Variants in TRIM26 observed in about 807,000 individuals in gnomAD.
The protein encoded by TRIM26 is tripartite motif-containing protein 26.
A neutral mutation model predicts 45.5 loss-of-function variants in TRIM26; 16 were observed. The observed-to-expected ratio is 0.35, with a 90% CI of 0.24 to 0.53. The LOEUF is 0.53. Ranked by LOEUF, TRIM26 falls within the 20% of genes least tolerant of loss-of-function variation. TRIM26 has a pLI of 0.92. For synonymous variants in TRIM26, 273 were observed against 290.4 expected, an observed-to-expected ratio of 0.94 and a Z score of 0.61; for missense variants, 442 against 691.1, an observed-to-expected ratio of 0.64 and a Z score of 4.04.
rs376445200 is a variant in TRIM26 at position 30,192,229 on chromosome 6, C to T, written c.766-2194G>A. ...CAGGCAGAGCCGAGCAGTGGGGCTG[C>T]GGCAATGAGTCATGGCAAGCTCCCG... On this transcript the variant is annotated intron_variant, in intron 6 of 9. Transcript: ENST00000454678. Among the ~76,000 whole-genome samples, 62 of 152,276 alleles carry T rather than the reference C, an allele frequency of 4.1e-4. 1 individual carries two copies. The highest frequency in any genetic ancestry group is 1.5e-3 in the African/African-American group (61 of 41,560).
chr6:30,205,283 ATTCTATAG>A (rs1777615816), intron 1 of TRIM26, among the ~76,000 whole-genome samples: 2 of 152,090 alleles, frequency 1.3e-5, no homozygotes, highest in South Asian at 4.1e-4. Context: ...GCTAGCTGCA[ATTCTATAG>A]AACCAGGAAG....
At chr6:30,191,637 T>G (rs925586621) in intron 6 of TRIM26, among the ~76,000 whole-genome samples, 26 of 152,106 alleles carry the variant, frequency 1.7e-4, no homozygotes, top group African/African-American at 6.0e-4. Context: ...ATTAACAAAT[T>G]GTGGCTGCTG....
intron 1 of TRIM26, among the ~76,000 whole-genome samples, chr6:30,206,967 C>G (rs1371539391): frequency 1.3e-5 from 2 of 152,234 alleles, no homozygotes; most frequent in African/African-American, 4.8e-5. Context: ...TGGGCTCCTT[C>G]CATTCCACCA....
Position 30,199,204 on chromosome 6 carries a change from T to C in TRIM26, c.-101A>G. The C allele has an allele frequency of 8.0e-7, 1 of 1,252,376 alleles. No individual in the cohort carries two copies. The highest frequency in any genetic ancestry group is 1.1e-6 in the Non-Finnish European group (1 of 921,334). 77.6% of individuals were successfully genotyped at this position (1,252,376 alleles called of 1,614,324 possible). On this transcript the variant is annotated 5_prime_UTR_variant, in exon 4 of 10. Coordinates refer to ENST00000454678, the MANE Select transcript of TRIM26 (RefSeq NM_003449.5). ...AGCAAGCACAGTAAAGGGGCAAAGG[T>C]GGCAGCCTGCACAGGGCTGCCAGCT...
Position 30,185,703 on chromosome 6 carries a change from A to G in TRIM26, c.*173T>C. 1.4e-6 allele frequency: 1 copy of G among 722,622 alleles called. No individual in the cohort carries two copies. Among genetic ancestry groups the G allele is most frequent in the Non-Finnish European group, 2.3e-6 (1 of 442,556 alleles). The allele number at this position is 722,622 out of a possible 1,614,324, so 44.8% of individuals were successfully genotyped here. A position where few individuals can be genotyped will look rare whatever the true frequency, so the allele number is the denominator to read the frequency against. ...CCCCATTAGGGCAGTAGATGGAGCA[A>G]CAGCACTGAGTGAGATTTCAGGGGG... On this transcript the variant is annotated 3_prime_UTR_variant, in exon 10 of 10. Coordinates refer to ENST00000454678, the MANE Select transcript of TRIM26 (RefSeq NM_003449.5). This position sits in a 1 kb window ranked among gnomAD's most constrained non-coding sequence, Gnocchi z 5.7.
chr6:30,187,747 A>T (rs191020236), intron 9 of TRIM26: 3,556 of 168,912 alleles, frequency 0.021, 145 homozygotes, highest in African/African-American at 0.089. Context: ...GTGAAACCCC[A>T]TCTCTACTAA....
In TRIM26 at chr6:30,186,821, C is replaced by A; in HGVS notation, c.938-263G>T. On this transcript the variant is annotated intron_variant, in intron 9 of 9. Transcript: ENST00000454678. The surrounding 1 kb of genome is among the most constrained non-coding windows in gnomAD (Gnocchi z 7.4). Reference sequence around the variant, plus strand: ...GACTGTTTTCGCTTACGCTCTGATTCCAAACAAAACTTTTCATAAGCTTCC... The same window carrying A: ...GACTGTTTTCGCTTACGCTCTGATTACAAACAAAACTTTTCATAAGCTTCC... The A allele has an allele frequency of 9.4e-7, 1 of 1,064,404 alleles. No individual in the cohort carries two copies. The allele number at this position is 1,064,404 out of a possible 1,614,324, so 65.9% of individuals were successfully genotyped here.
rs186742306 is a variant in TRIM26 at position 30,189,367 on chromosome 6, C to A, written c.904+51G>T. ...AAAGGAGCTGGGTGCGCTCTTTCTA[C>A]GAGGTAGCCCTGCTCTGACTCCCAC... On this transcript the variant is annotated intron_variant, in intron 8 of 9. Transcript: ENST00000454678. This position sits in a 1 kb window ranked among gnomAD's most constrained non-coding sequence, Gnocchi z 5.0. 1 of 1,592,996 alleles carries A rather than the reference C, an allele frequency of 6.3e-7. No homozygotes were observed. The highest frequency in any genetic ancestry group is 1.3e-5 in the African/African-American group (1 of 74,592).
chr6:30,187,448 T>C, intron 9 of TRIM26: 1 of 506,014 alleles, frequency 2.0e-6, no homozygotes. Context: ...GATAAAGCTC[T>C]CCCAGAAAGG....
At chr6:30,211,525 C>T (rs564731263) in intron 1 of TRIM26, among the ~76,000 whole-genome samples, 25 of 152,290 alleles carry the variant, frequency 1.6e-4, no homozygotes, top group African/African-American at 5.3e-4. Context: ...CAACCTGTTA[C>T]TCCCCTGCAG....
chr6:30,191,091 GAA>G (rs35105364), intron 6 of TRIM26, among the ~76,000 whole-genome samples: 1 of 152,066 alleles, frequency 6.6e-6, no homozygotes, highest in African/African-American at 2.4e-5. Flanking sequence ...GCAGTAGGGA[GAA>G]AAAGAGAGAA....
Position 30,188,858 on chromosome 6 carries a change from T to C in TRIM26, c.937+309A>G, listed in dbSNP as rs150864863. Among the ~76,000 whole-genome samples, 674 of 152,166 alleles carry C rather than the reference T, an allele frequency of 4.4e-3. 2 individuals carry two copies. Among genetic ancestry groups the C allele is most frequent in the African/African-American group, 0.011 (474 of 41,502 alleles). Reference sequence around the variant, plus strand: ...CTGTTTGCTCTGAATATAGGAGCCATGCAGCCAGGAAGATGAGAGAAAGCT... The same window carrying C: ...CTGTTTGCTCTGAATATAGGAGCCACGCAGCCAGGAAGATGAGAGAAAGCT... On this transcript the variant is annotated intron_variant, in intron 9 of 9. Coordinates refer to ENST00000454678, the MANE Select transcript of TRIM26 (RefSeq NM_003449.5).
intron 9 of TRIM26, chr6:30,187,485 G>GT: frequency 1.9e-6 from 1 of 523,856 alleles, no homozygotes; most frequent in Non-Finnish European, 3.9e-6. Flanking sequence ...TTGTTTTGGA[G>GT]TAACTTCATC....
In TRIM26 at chr6:30,186,414, T is replaced by C. The variant is rs201380922; in HGVS notation, c.1082A>G (p.Lys361Arg). ...GTAGACCTTGCCCCAGGTGAAGCCCTTGCTGCCTAGCACCCCAGGCTCACA... is the reference window on the plus strand; with the variant it reads ...GTAGACCTTGCCCCAGGTGAAGCCCCTGCTGCCTAGCACCCCAGGCTCACA... ...FDCEPGVLGS[K>R]GFTWGKVYWE... Residue 361 changes from lysine (K) to arginine (R), a missense_variant, in exon 10 of 10, where the codon AAG (lysine) becomes AGG (arginine). Lys to Arg is a conservative substitution (Grantham distance 26). Coordinates refer to ENST00000454678, the MANE Select transcript of TRIM26 (RefSeq NM_003449.5). The surrounding 1 kb of genome is among the most constrained non-coding windows in gnomAD (Gnocchi z 7.4). 4.3e-6 allele frequency: 7 copies of C among 1,610,812 alleles called. No individual in the cohort carries two copies. Among genetic ancestry groups the C allele is most frequent in the Non-Finnish European group, 5.1e-6 (6 of 1,178,648 alleles).
chr6:30,202,066 C>A (rs1001959946), intron 2 of TRIM26, among the ~76,000 whole-genome samples: 3 of 152,086 alleles, frequency 2.0e-5, no homozygotes, highest in Non-Finnish European at 4.4e-5. Flanking sequence ...TGAGGTTTTT[C>A]TTTGTTGAAG....
At chr6:30,211,348 ATTTATG>A (rs1562242039) in intron 1 of TRIM26, among the ~76,000 whole-genome samples, 1 of 152,164 alleles carries the variant, frequency 6.6e-6, no homozygotes. Flanking sequence ...ATGCCAGCCA[ATTTATG>A]TTTTTGTCTT....
At position 30,185,447 on chromosome 6, in the gene TRIM26, T is replaced by G; in HGVS notation, c.*429A>C. 5.4e-6 allele frequency: 1 copy of G among 184,450 alleles called. No homozygotes were observed. Among genetic ancestry groups the G allele is most frequent in the Non-Finnish European group, 1.1e-5 (1 of 90,300 alleles). 11.4% of individuals were successfully genotyped at this position (184,450 alleles called of 1,614,324 possible). A position where few individuals can be genotyped will look rare whatever the true frequency, so the allele number is the denominator to read the frequency against. On this transcript the variant is annotated 3_prime_UTR_variant, in exon 10 of 10. Transcript: ENST00000454678. The surrounding 1 kb of genome is among the most constrained non-coding windows in gnomAD (Gnocchi z 5.7). ...ATGCCAGGGAAGGTGGGCAGCAGAG[T>G]GGATTTGTGCAAGAAGGAACCTGGG... is the stretch of plus-strand genomic sequence containing the variant.
intron 5 of TRIM26, among the ~76,000 whole-genome samples, chr6:30,197,766 GT>G (rs1776644457): frequency 6.6e-6 from 1 of 152,162 alleles, no homozygotes; most frequent in Non-Finnish European, 1.5e-5. Flanking sequence ...ATAAATAGCT[GT>G]TACACTGAAT....
intron 6 of TRIM26, among the ~76,000 whole-genome samples, chr6:30,193,162 G>GTATATATA (rs1554201636): frequency 9.4e-5 from 3 of 32,002 alleles, no homozygotes; most frequent in Admixed American, 7.0e-4. Flanking sequence ...GTGTGTGTGT[G>GTATATATA]TATATATATA....
Sources: allele counts gnomAD v4.1 joint callset (sites outside exome capture counted in the v4.1 genomes callset), GRCh38; gene constraint gnomAD v4.1.1; non-coding constraint Gnocchi (gnomAD v3.1); transcripts MANE v1.5; gene names NCBI Gene and HGNC (gene_info 2026-07-23, HGNC 2026-07-21).